The following ALPK2 variants were observed in gnomAD, a reference collection of about 807,000 sequenced individuals.
ALPK2 encodes the protein alpha kinase 2, also known as alpha-protein kinase 2.
ALPK2 carries 127 observed loss-of-function variants against 163.1 expected under a neutral mutation model. The ratio of observed to expected loss-of-function variants is 0.78; its 90% CI spans 0.67 to 0.90. The LOEUF is 0.90. Among genes scored for constraint, ALPK2 ranks in the 40% least tolerant of loss-of-function variants. The pLI is 0.00. For synonymous variants in ALPK2, 953 were observed against 959.1 expected (o/e 0.99, Z 0.12); for missense variants, 2,360 against 2,589.6 (o/e 0.91, Z 1.92).
Position 58,536,521 on chromosome 18 carries a change from A to G in ALPK2, c.3666T>C (p.Ser1222=), listed in dbSNP as rs1234228471. ...PSLSDILLEE[S]KEYRPGNWEA... is the part of the protein sequence containing the mutation. The stretch of plus-strand genomic sequence containing the variant: ...CCCAATTTCCAGGTCTATATTCTTT[A>G]GACTCTTCCAAAAGGATATCAGAGA... Residue 1222 remains serine (S), a synonymous_variant, in exon 5 of 13, where the codon TCT becomes TCC. Coordinates refer to ENST00000361673, the MANE Select transcript of ALPK2 (RefSeq NM_052947.4). 1 of 1,613,808 alleles carries G rather than the reference A, an allele frequency of 6.2e-7. No individual in the cohort carries two copies. The highest frequency in any genetic ancestry group is 8.5e-7 in the Non-Finnish European group (1 of 1,180,012).
At chr18:58,501,095 A>G (rs1221195512) in intron 11 of ALPK2, among the ~76,000 whole-genome samples, 3 of 152,258 alleles carry the variant, frequency 2.0e-5, no homozygotes, top group Non-Finnish European at 1.5e-5. Context: ...CACAATGACA[A>G]TGACAGTAAA....
chr18:58,611,596 C>T (rs994282264), intron 2 of ALPK2, 93 bp downstream of exon 2: 3 of 1,117,808 alleles, frequency 2.7e-6, no homozygotes, highest in African/African-American at 3.2e-5. Flanking sequence ...AGGTAATTTT[C>T]CCAAATGATG....
chr18:58,511,479 C>A (rs2051490177), intron 10 of ALPK2: 1 of 152,272 alleles, frequency 6.6e-6, no homozygotes, highest in African/African-American at 2.4e-5. Context: ...CTTGCTCTTG[C>A]CTCTGTGAGA....
chr18:58,603,009 A>T (rs1038442428), intron 3 of ALPK2, among the ~76,000 whole-genome samples: 1 of 152,252 alleles, frequency 6.6e-6, no homozygotes, highest in African/African-American at 2.4e-5. Context: ...CCTCAGTTCC[A>T]GGAAATCTCT....
intron 4 of ALPK2, among the ~76,000 whole-genome samples, chr18:58,546,038 G>A (rs2051716023): frequency 6.6e-6 from 1 of 152,218 alleles, no homozygotes; most frequent in Admixed American, 6.5e-5. Context: ...AGGCAAGCTA[G>A]AATATTTCAG....
intron 3 of ALPK2, among the ~76,000 whole-genome samples, chr18:58,606,370 A>T (rs1257655786): frequency 6.6e-6 from 1 of 152,184 alleles, no homozygotes; most frequent in African/African-American, 2.4e-5. Flanking sequence ...ATGAGCCACC[A>T]CCATGCTCAG....
At chr18:58,623,086 T>C (rs2052210705) in intron 1 of ALPK2, among the ~76,000 whole-genome samples, 1 of 152,000 alleles carries the variant, frequency 6.6e-6, no homozygotes, top group Non-Finnish European at 1.5e-5. Flanking sequence ...GCAAGTCCAG[T>C]CAGAAAAAAG....
At chr18:58,518,169 G>A (rs1007427541) in intron 8 of ALPK2, among the ~76,000 whole-genome samples, 3 of 152,128 alleles carry the variant, frequency 2.0e-5, no homozygotes, top group Non-Finnish European at 4.4e-5. Flanking sequence ...AGAGATCATG[G>A]GTTGTGTGAA....
At position 58,578,906 on chromosome 18, in the gene ALPK2, T is replaced by C. The variant is rs147852412; in HGVS notation, c.1870A>G (p.Lys624Glu). The C allele has an allele frequency of 4.3e-6, 7 of 1,614,254 alleles. No homozygotes were observed. The African/African-American group carries it at 8.0e-5, about 18-fold the overall frequency. Residue 624 changes from lysine (K) to glutamate (E), a missense_variant, in exon 4 of 13, where the codon AAA (lysine) becomes GAA (glutamate). Physicochemically the swap from Lys to Glu is moderately conservative, Grantham distance 56. Transcript: ENST00000361673. The stretch of plus-strand genomic sequence containing the variant: ...CCCTTGCAATTTGTGTTGCCTTCTT[T>C]GGAGACTGAGTCTGTTGAAGTTTGA... The part of the protein sequence containing the change: ...TLQTSTDSVS[K>E]EGNTNCKGEG...
chr18:58,616,528 G>C (rs12326179), intron 1 of ALPK2, among the ~76,000 whole-genome samples: 6 of 152,106 alleles, frequency 3.9e-5, no homozygotes, highest in African/African-American at 1.4e-4. Flanking sequence ...GTTGTCAATC[G>C]TGCCTATGTA....
chr18:58,496,054 G>C (rs1461857432), intron 12 of ALPK2, among the ~76,000 whole-genome samples: 3 of 152,112 alleles, frequency 2.0e-5, no homozygotes, highest in African/African-American at 4.8e-5. Context: ...CTTCTAAATG[G>C]GTACACTTGT....
intron 4 of ALPK2, among the ~76,000 whole-genome samples, chr18:58,574,280 T>TAA (rs11345187): frequency 7.5e-6 from 1 of 132,520 alleles, no homozygotes; most frequent in Non-Finnish European, 1.6e-5. Context: ...CTGTCTCTAC[T>TAA]AAAAAAAAAA....
chr18:58,493,570 GTCTATTTTGATCTTT>G (rs1568065267), intron 12 of ALPK2, among the ~76,000 whole-genome samples: 1 of 152,070 alleles, frequency 6.6e-6, no homozygotes, highest in Non-Finnish European at 1.5e-5. Flanking sequence ...GAGTGTGGGA[GTCTATTTTGATCTTT>G]TCTCCTGTTC....
At chr18:58,577,133 T>C (rs933256079) in intron 4 of ALPK2, among the ~76,000 whole-genome samples, 10 of 152,238 alleles carry the variant, frequency 6.6e-5, no homozygotes, top group African/African-American at 2.4e-4. Context: ...TGGCCCATTT[T>C]ACTTGACTGA....
At chr18:58,539,881 G>C (rs997307531) in intron 4 of ALPK2, among the ~76,000 whole-genome samples, 2 of 152,188 alleles carry the variant, frequency 1.3e-5, no homozygotes, top group African/African-American at 4.8e-5. Flanking sequence ...GCTGCTTACA[G>C]CCTGTCAGTC....
At chr18:58,530,397 A>C (rs2051606930) in intron 5 of ALPK2, among the ~76,000 whole-genome samples, 1 of 152,244 alleles carries the variant, frequency 6.6e-6, no homozygotes, top group Non-Finnish European at 1.5e-5. Flanking sequence ...TATTGATGGC[A>C]AACCCGCATC....
At chr18:58,601,299 G>A (rs1393674314) in intron 3 of ALPK2, among the ~76,000 whole-genome samples, 1 of 152,060 alleles carries the variant, frequency 6.6e-6, no homozygotes, top group Non-Finnish European at 1.5e-5. Context: ...GGCAGTCATA[G>A]GTGGCTTTTT....
rs1192090356 is a variant in ALPK2 at position 58,577,306 on chromosome 18, G to A, written c.1962+1508C>T. Among the ~76,000 whole-genome samples the A allele has an allele frequency of 3.9e-5, 6 of 152,136 alleles. No individual in the cohort carries two copies. The South Asian group carries it at 6.2e-4, about 16-fold the overall frequency. ...CAATGGTGGATCTAAAACCAATATC[G>A]TCAGTAAATAGGTAAATAGCCCCCT... On this transcript the variant is annotated intron_variant, in intron 4 of 12. Transcript: ENST00000361673.
chr18:58,500,776 A>G (rs1295162961), intron 11 of ALPK2, among the ~76,000 whole-genome samples: 1 of 14,410 alleles, frequency 6.9e-5, no homozygotes, highest in Non-Finnish European at 1.9e-4. Context: ...AATACAAAAA[A>G]ATTAAAAAAA....
Sources: allele counts gnomAD v4.1 joint callset (sites outside exome capture counted in the v4.1 genomes callset), GRCh38; gene constraint gnomAD v4.1.1; transcripts MANE v1.5; gene names NCBI Gene and HGNC (gene_info 2026-07-23, HGNC 2026-07-21).